Variants in EEFSEC observed in about 807,000 individuals in gnomAD.
The protein encoded by EEFSEC is eukaryotic elongation factor, selenocysteine-tRNA specific, also known as selenocysteine-specific elongation factor.
In EEFSEC, 43 loss-of-function variants were observed where a neutral mutation model predicts 42.1. That is an observed-to-expected ratio of 1.02 (90% CI 0.80 to 1.32). EEFSEC has a LOEUF of 1.32. Among genes scored for constraint, EEFSEC ranks in the 40% most tolerant of loss-of-function variants. EEFSEC has a pLI of 0.00. For missense variants in EEFSEC, 745 were observed against 803.6 expected, an observed-to-expected ratio of 0.93 and a Z score of 0.88; for synonymous variants, 354 against 339.1, an observed-to-expected ratio of 1.04 and a Z score of -0.48.
At chr3:128,294,054 T>G (rs1329367575) in intron 4 of EEFSEC, among the ~76,000 whole-genome samples, 1 of 152,244 alleles carries the variant, frequency 6.6e-6, no homozygotes, top group East Asian at 1.9e-4. Flanking sequence ...CCTTCTGCTG[T>G]GCCCTTGGCC....
At chr3:128,412,635 A>G (rs72979313), downstream of EEFSEC, among the ~76,000 whole-genome samples, 26,098 of 152,228 alleles carry the variant, frequency 0.17, 6,035 homozygotes, top group African/African-American at 0.53. Context: ...ATGAGGTCAT[A>G]GCTCCAGACC....
At chr3:128,416,025 C>T in the EEFSEC span, among the ~76,000 whole-genome samples, 1 of 152,246 alleles carries the variant, frequency 6.6e-6, no homozygotes, top group Non-Finnish European at 1.5e-5. Context: ...GGTCTGGGTG[C>T]CTGTGTGGAC....
intron 6 of EEFSEC, among the ~76,000 whole-genome samples, chr3:128,403,692 G>T (rs916994833): frequency 7.9e-6 from 1 of 126,726 alleles, no homozygotes; most frequent in Non-Finnish European, 1.6e-5. Flanking sequence ...AGCGCCTCTC[G>T]CATACCCTAG....
chr3:128,332,749 G>T (rs534411408), intron 4 of EEFSEC, among the ~76,000 whole-genome samples: 1 of 152,204 alleles, frequency 6.6e-6, no homozygotes, highest in Non-Finnish European at 1.5e-5. Flanking sequence ...CAGGGGCAGC[G>T]CTGGCAGTCT....
At chr3:128,425,326 C>G in the EEFSEC span, among the ~76,000 whole-genome samples, 5,744 of 152,296 alleles carry the variant, frequency 0.038, 358 homozygotes, top group African/African-American at 0.13. Flanking sequence ...ATGCTTGTGG[C>G]TGCACGTCCC....
intron 4 of EEFSEC, among the ~76,000 whole-genome samples, chr3:128,266,448 C>G (rs1046833009): frequency 6.6e-6 from 1 of 151,966 alleles, no homozygotes; most frequent in Non-Finnish European, 1.5e-5. Context: ...CAGGGTTCCC[C>G]CAAATGAAGG....
intron 2 of EEFSEC, among the ~76,000 whole-genome samples, chr3:128,257,842 C>G (rs548971948): frequency 1.6e-4 from 24 of 152,260 alleles, no homozygotes; most frequent in East Asian, 7.7e-4. Context: ...CTGTCCCCCC[C>G]CAGCATGGAG....
intron 1 of EEFSEC, among the ~76,000 whole-genome samples, chr3:128,234,546 G>A (rs1260461520): frequency 6.6e-6 from 1 of 152,162 alleles, no homozygotes; most frequent in Non-Finnish European, 1.5e-5. Flanking sequence ...GCTGACTGTG[G>A]TGCGAGGACA....
At chr3:128,303,318 G>T (rs951204754) in intron 4 of EEFSEC, among the ~76,000 whole-genome samples, 1 of 152,094 alleles carries the variant, frequency 6.6e-6, no homozygotes, top group African/African-American at 2.4e-5. Context: ...CAGAAAGGTG[G>T]TATCAAGTTA....
intron 4 of EEFSEC, among the ~76,000 whole-genome samples, chr3:128,285,598 G>C (rs1022894764): frequency 1.3e-5 from 2 of 152,114 alleles, no homozygotes; most frequent in Non-Finnish European, 2.9e-5. Context: ...CTCTGTGTTT[G>C]GGTCTACCCT....
At chr3:128,273,374 G>C (rs992402117) in intron 4 of EEFSEC, among the ~76,000 whole-genome samples, 1 of 152,214 alleles carries the variant, frequency 6.6e-6, no homozygotes, top group Non-Finnish European at 1.5e-5. Flanking sequence ...GGGAACTCAG[G>C]AAGACTTCTC....
chr3:128,329,192 C>A (rs766021500), intron 4 of EEFSEC, among the ~76,000 whole-genome samples: 1 of 152,194 alleles, frequency 6.6e-6, no homozygotes, highest in East Asian at 1.9e-4. Flanking sequence ...TTCCCTGGGG[C>A]CCCTGTCTCT....
intron 1 of EEFSEC, among the ~76,000 whole-genome samples, chr3:128,226,857 G>A (rs1329367443): frequency 6.6e-6 from 1 of 152,194 alleles, no homozygotes; most frequent in Non-Finnish European, 1.5e-5. Context: ...GGGTTGTGTG[G>A]TGCACAGAGG....
intron 6 of EEFSEC, among the ~76,000 whole-genome samples, chr3:128,361,495 T>C (rs1314446897): frequency 6.6e-6 from 1 of 152,242 alleles, no homozygotes; most frequent in African/African-American, 2.4e-5. Flanking sequence ...CCTGTTTGAA[T>C]TTTAGAAAGG....
chr3:128,189,580 G>T (rs2065500643), intron 1 of EEFSEC, among the ~76,000 whole-genome samples: 1 of 142,022 alleles, frequency 7.0e-6, no homozygotes, highest in Non-Finnish European at 1.5e-5. Context: ...TTTTTTCCGA[G>T]CCAGGGTCTG....
At chr3:128,252,788 G>GA (rs1185823492) in intron 2 of EEFSEC, among the ~76,000 whole-genome samples, 1 of 152,154 alleles carries the variant, frequency 6.6e-6, no homozygotes, top group Non-Finnish European at 1.5e-5. Flanking sequence ...TACACAGTCA[G>GA]CACGTCTAGG....
chr3:128,320,101 A>G lies in EEFSEC; in HGVS notation c.787-21132A>G, dbSNP rs541933979. On this transcript the variant is annotated intron_variant, in intron 4 of 6. Coordinates refer to ENST00000254730, the MANE Select transcript of EEFSEC (RefSeq NM_021937.5). ...GCCTGCCACCTGTTTTGATAAATAA[A>G]GCACTGCAATGGCAGAGTCAAGTAG... Among the ~76,000 whole-genome samples, 81 of 152,376 alleles carry G rather than the reference A, an allele frequency of 5.3e-4. 1 individual carries two copies. The highest frequency in any genetic ancestry group is 1.7e-3 in the African/African-American group (72 of 41,588).
intron 4 of EEFSEC, among the ~76,000 whole-genome samples, chr3:128,337,946 A>G (rs902845243): frequency 6.6e-6 from 1 of 152,206 alleles, no homozygotes; most frequent in Non-Finnish European, 1.5e-5. Context: ...ACATGTGCCC[A>G]TGCAGGATCC....
chr3:128,395,044 AG>A (rs1398408570), intron 6 of EEFSEC, among the ~76,000 whole-genome samples: 2 of 152,160 alleles, frequency 1.3e-5, no homozygotes, highest in African/African-American at 2.4e-5. Flanking sequence ...GCCATGAGCG[AG>A]GGGAGTGTCC....
Sources: gnomAD v4.1 joint callset for allele counts (sites outside exome capture counted in the v4.1 genomes callset) on GRCh38, gnomAD v4.1.1 for gene constraint, MANE v1.5 for transcripts, NCBI Gene and HGNC (gene_info 2026-07-23, HGNC 2026-07-21) for gene names.